The following CCDC178 variants were observed in gnomAD, a reference collection of about 807,000 sequenced individuals.
CCDC178 encodes coiled-coil domain-containing protein 178.
CCDC178 carries 126 observed loss-of-function variants against 117.4 expected under a neutral mutation model. The observed-to-expected ratio is 1.07, with a 90% confidence interval of 0.93 to 1.24. The LOEUF is 1.24. Ranked by LOEUF, CCDC178 falls within the 50% of genes most tolerant of loss-of-function variation. CCDC178 has a pLI of 0.00. For synonymous variants in CCDC178, 283 were observed against 313.4 expected, an observed-to-expected ratio of 0.90 and a Z score of 1.02; for missense variants, 1,030 against 986.9, an observed-to-expected ratio of 1.04 and a Z score of -0.59.
chr18:33,156,322 T>A (rs191449922), intron 20 of CCDC178, among the ~76,000 whole-genome samples: 1 of 151,672 alleles, frequency 6.6e-6, no homozygotes, highest in Admixed American at 6.6e-5. Context: ...ACTCCTGACC[T>A]TGTGATCCGC....
At chr18:33,309,337 T>C (rs2062303788) in intron 11 of CCDC178, among the ~76,000 whole-genome samples, 1 of 152,014 alleles carries the variant, frequency 6.6e-6, no homozygotes, top group Admixed American at 6.6e-5. Flanking sequence ...AAATGGCCAA[T>C]AAAAAATAAT....
chr18:33,126,262 A>G (rs1473255242), intron 20 of CCDC178, among the ~76,000 whole-genome samples: 2 of 151,066 alleles, frequency 1.3e-5, no homozygotes, highest in African/African-American at 4.9e-5. Context: ...GAATATGTAT[A>G]TAATTGTAGT....
chr18:33,267,405 A>C (rs1273044579), intron 12 of CCDC178, 108 bp from the exon 13 acceptor site: 2 of 612,502 alleles, frequency 3.3e-6, no homozygotes, highest in East Asian at 5.9e-5. Flanking sequence ...CAGTTACATA[A>C]AAATTGAAAA....
chr18:33,306,538 A>G (rs997438565), intron 11 of CCDC178, among the ~76,000 whole-genome samples: 2 of 147,064 alleles, frequency 1.4e-5, no homozygotes, highest in Non-Finnish European at 3.0e-5. Flanking sequence ...ATGGTTATAT[A>G]TAATATATGG....
At chr18:32,943,852 C>T (rs544380385) in intron 22 of CCDC178, among the ~76,000 whole-genome samples, 12 of 152,264 alleles carry the variant, frequency 7.9e-5, no homozygotes, top group Non-Finnish European at 1.2e-4. Context: ...TAAGATTCAA[C>T]CAGATATATT....
chr18:32,960,019 A>C (rs1488265453), intron 22 of CCDC178, among the ~76,000 whole-genome samples: 1 of 152,110 alleles, frequency 6.6e-6, no homozygotes, highest in African/African-American at 2.4e-5. Flanking sequence ...TTTTGGCTTA[A>C]TATGTCATTT....
intron 22 of CCDC178, among the ~76,000 whole-genome samples, chr18:32,972,193 G>A (rs1257254646): frequency 6.6e-6 from 1 of 152,098 alleles, no homozygotes; most frequent in Non-Finnish European, 1.5e-5. Flanking sequence ...GCTAATTTTT[G>A]TATAAGGTGT....
At chr18:33,121,806 G>A (rs1475286288) in intron 20 of CCDC178, among the ~76,000 whole-genome samples, 1 of 152,102 alleles carries the variant, frequency 6.6e-6, no homozygotes, top group African/African-American at 2.4e-5. Flanking sequence ...ACAGTCACAT[G>A]CCATGTAATG....
chr18:33,371,035 A>T (rs1430833851), intron 5 of CCDC178, among the ~76,000 whole-genome samples: 1 of 152,036 alleles, frequency 6.6e-6, no homozygotes, highest in Non-Finnish European at 1.5e-5. Flanking sequence ...TGATGTCCTC[A>T]TTTCAATTGA....
At chr18:32,962,969 A>G (rs1293987287) in intron 22 of CCDC178, among the ~76,000 whole-genome samples, 2 of 152,034 alleles carry the variant, frequency 1.3e-5, no homozygotes, top group East Asian at 1.9e-4. Flanking sequence ...TGAAATATCA[A>G]CCCTAAATTA....
At chr18:32,985,506 C>T (rs956218406) in intron 21 of CCDC178, among the ~76,000 whole-genome samples, 1 of 151,900 alleles carries the variant, frequency 6.6e-6, no homozygotes, top group East Asian at 1.9e-4. Context: ...AAAAGTAGTG[C>T]AAATTGTCAC....
At chr18:32,960,908 CTTT>C (rs1408790250) in intron 22 of CCDC178, among the ~76,000 whole-genome samples, 2 of 152,022 alleles carry the variant, frequency 1.3e-5, no homozygotes, top group Non-Finnish European at 2.9e-5. Flanking sequence ...TTTCAGATAT[CTTT>C]TTATTATTCA....
intron 11 of CCDC178, among the ~76,000 whole-genome samples, chr18:33,295,077 T>G (rs1029372989): frequency 6.6e-6 from 1 of 152,140 alleles, no homozygotes; most frequent in Non-Finnish European, 1.5e-5. Flanking sequence ...CTATGCAAAC[T>G]CTGCAATCAA....
chr18:33,296,950 G>A (rs1180161583), intron 11 of CCDC178, among the ~76,000 whole-genome samples: 7 of 152,128 alleles, frequency 4.6e-5, no homozygotes, highest in Admixed American at 1.3e-4. Context: ...CTTGAACCCA[G>A]GAGGCAGAGG....
At chr18:33,282,262 C>T (rs996565385) in intron 12 of CCDC178, among the ~76,000 whole-genome samples, 4 of 152,104 alleles carry the variant, frequency 2.6e-5, no homozygotes, top group African/African-American at 7.2e-5. Flanking sequence ...AGAGCCTCCT[C>T]GAGAAGTGGT....
chr18:33,403,378 C>CA (rs1287055010), intron 3 of CCDC178, among the ~76,000 whole-genome samples: 1 of 151,644 alleles, frequency 6.6e-6, no homozygotes, highest in Non-Finnish European at 1.5e-5. Context: ...TTAACAACTA[C>CA]AAAAATCAGC....
At chr18:33,072,799 C>T (rs1019633335) in intron 21 of CCDC178, among the ~76,000 whole-genome samples, 58 of 152,068 alleles carry the variant, frequency 3.8e-4, no homozygotes, top group African/African-American at 1.3e-3. Context: ...CTAAAAGGTG[C>T]TTTCACTATG....
intron 20 of CCDC178, among the ~76,000 whole-genome samples, chr18:33,127,031 C>CAT (rs1040158530): frequency 1.3e-5 from 2 of 149,396 alleles, no homozygotes; most frequent in Non-Finnish European, 3.0e-5. Flanking sequence ...CACACACACA[C>CAT]ACACACACAT....
intron 9 of CCDC178, among the ~76,000 whole-genome samples, chr18:33,344,745 G>A (rs2062864474): frequency 6.6e-6 from 1 of 150,494 alleles, no homozygotes; most frequent in Non-Finnish European, 1.5e-5. Context: ...AATCTACTGG[G>A]ATCCAGAATT....
Sources: gnomAD v4.1 joint callset for allele counts (sites outside exome capture counted in the v4.1 genomes callset) on GRCh38, gnomAD v4.1.1 for gene constraint, MANE v1.5 for transcripts, NCBI Gene and HGNC (gene_info 2026-07-23, HGNC 2026-07-21) for gene names.